The following HDAC9 variants were observed in gnomAD, a reference collection of about 807,000 sequenced individuals.
HDAC9 encodes histone deacetylase 9.
Under a neutral mutation model 139.4 loss-of-function variants are expected in HDAC9, and 41 were observed. The ratio of observed to expected loss-of-function variants is 0.29; its 90% CI spans 0.23 to 0.38. HDAC9 has a LOEUF of 0.38. HDAC9 is among the 10% of genes least tolerant of loss of function. The probability of loss-of-function intolerance (pLI) is 1.00; values close to 1 mark genes in which losing one functional copy is unlikely to be tolerated. For synonymous variants in HDAC9, 517 were observed against 476.2 expected, an observed-to-expected ratio of 1.09 and a Z score of -1.12; for missense variants, 1,147 against 1,297.0, an observed-to-expected ratio of 0.88 and a Z score of 1.78.
Position 18,874,587 on chromosome 7 carries a change from A to T in HDAC9, c.2794A>T (p.Thr932Ser). 6.3e-7 allele frequency: 1 copy of T among 1,575,470 alleles called. No homozygotes were observed. Among genetic ancestry groups the T allele is most frequent in the Non-Finnish European group, 8.7e-7 (1 of 1,155,540 alleles). ...CCCTCCTCTAGGAGGGTACAAAGTG[A>T]CGGCAAAATGTAAGTACCTCTTTCA... Reference protein sequence around the residue: ...HTPPLGGYKVTAKCFGHLTKQ... With the variant: ...HTPPLGGYKVSAKCFGHLTKQ... The change falls in exon 22 of 26, where the codon ACG becomes TCG. Residue 932 changes from threonine (T) to serine (S), a missense_variant. This residue lies in a region of HDAC9 where 407 missense variants were observed against 521.5 expected (regional missense o/e 0.78). Coordinates refer to ENST00000686413, the MANE Select transcript of HDAC9 (RefSeq NM_178425.4).
intron 1 of HDAC9, among the ~76,000 whole-genome samples, chr7:18,470,112 A>G (rs1407546252): frequency 6.6e-6 from 1 of 152,078 alleles, no homozygotes; most frequent in South Asian, 2.1e-4. Context: ...CCAAGGTAGG[A>G]GGACCCCTTG....
At chr7:18,971,301 A>AG (rs1378343262) in intron 24 of HDAC9, among the ~76,000 whole-genome samples, 1 of 152,234 alleles carries the variant, frequency 6.6e-6, no homozygotes, top group East Asian at 1.9e-4. Flanking sequence ...ATGACTGAAG[A>AG]GGGAGTGTGC....
rs893606914 is a variant in HDAC9, at chr7:18,584,233, C to T, written c.23-1048C>T. 2.6e-4 allele frequency among the ~76,000 whole-genome samples: 39 copies of T among 150,852 alleles called. 1 individual carries two copies. ...TCGGCTCACTGCAAGCTCCGCCTCCCAGGTTCACGCCATTCTCCTGCCTCA... is the reference window on the plus strand; with the variant it reads ...TCGGCTCACTGCAAGCTCCGCCTCCTAGGTTCACGCCATTCTCCTGCCTCA... On this transcript the variant is annotated intron_variant, in intron 2 of 25. Coordinates refer to ENST00000686413, the MANE Select transcript of HDAC9 (RefSeq NM_178425.4).
chr7:18,903,850 TTCTC>T (rs1168668512), intron 22 of HDAC9, among the ~76,000 whole-genome samples: 3 of 152,156 alleles, frequency 2.0e-5, no homozygotes, highest in African/African-American at 7.2e-5. Flanking sequence ...AAGCATGCTG[TTCTC>T]TCTCTCTATT....
In HDAC9 at chr7:18,337,379, A is replaced by G. The variant is rs373947485; in HGVS notation, c.-42+46864A>G. Among the ~76,000 whole-genome samples, 14 of 151,814 alleles carry G rather than the reference A, an allele frequency of 9.2e-5. No homozygotes were observed. The East Asian group carries it at 1.8e-3, about 19-fold the overall frequency. On this transcript the variant is annotated intron_variant, in intron 1 of 3. Coordinates refer to the HDAC9 transcript ENST00000413509. Reference sequence around the variant, plus strand: ...AGTAAGATGATTATTTTTCTAGCTAAATCAACTACATGGTTTCATGATATA... The same window carrying G: ...AGTAAGATGATTATTTTTCTAGCTAGATCAACTACATGGTTTCATGATATA...
intron 2 of HDAC9, among the ~76,000 whole-genome samples, chr7:18,261,595 C>G (rs1345291923): frequency 6.6e-6 from 1 of 152,138 alleles, no homozygotes; most frequent in Non-Finnish European, 1.5e-5. Flanking sequence ...GGTTTACTTT[C>G]TAGAAGTGAG....
chr7:18,169,480 T>C (rs1788253629), intron 2 of HDAC9, among the ~76,000 whole-genome samples: 1 of 152,168 alleles, frequency 6.6e-6, no homozygotes, highest in African/African-American at 2.4e-5. Flanking sequence ...TAAATTATAC[T>C]TTAAGTTGTA....
chr7:18,502,140 G>T (rs1798557196), intron 2 of HDAC9, among the ~76,000 whole-genome samples: 1 of 152,100 alleles, frequency 6.6e-6, no homozygotes, highest in African/African-American at 2.4e-5. Flanking sequence ...AGAGACAAAG[G>T]TTGGATCCTC....
At chr7:18,661,196 A>G (rs1011495221) in intron 11 of HDAC9, among the ~76,000 whole-genome samples, 1 of 152,142 alleles carries the variant, frequency 6.6e-6, no homozygotes. Flanking sequence ...CACAAATTAA[A>G]TGAAAAAGAT....
rs1001828261 is a variant in HDAC9 at position 18,666,846 on chromosome 7, G to T, written c.1731+370G>T. On this transcript the variant is annotated intron_variant, in intron 12 of 25. Transcript: ENST00000686413. ...CACTGTTATTTTGAGTTTATGTGTT[G>T]AGATCAGTGACTGCTGGATAGTCTC... The T allele has an allele frequency of 1.0e-5, 11 of 1,050,152 alleles. No homozygotes were observed. In the African/African-American group the frequency reaches 1.9e-4, roughly 18 times the overall value. The allele number at this position is 1,050,152 out of a possible 1,614,324, so 65.1% of individuals were successfully genotyped here. A position where few individuals can be genotyped will look rare whatever the true frequency, so the allele number is the denominator to read the frequency against.
At chr7:18,449,437 A>G (rs1792594340) in intron 1 of HDAC9, among the ~76,000 whole-genome samples, 1 of 152,162 alleles carries the variant, frequency 6.6e-6, no homozygotes, top group South Asian at 2.1e-4. Flanking sequence ...ATGGGGTGTT[A>G]AAAGTCTGGC....
At chr7:18,402,584 T>C (rs1787646162) in intron 1 of HDAC9, among the ~76,000 whole-genome samples, 3 of 152,174 alleles carry the variant, frequency 2.0e-5, no homozygotes, top group Admixed American at 1.3e-4. Context: ...AGCTGGACTT[T>C]TATCATGAAT....
intron 1 of HDAC9, among the ~76,000 whole-genome samples, chr7:18,316,742 A>G (rs1452702495): frequency 6.6e-6 from 1 of 151,730 alleles, no homozygotes; most frequent in African/African-American, 2.4e-5. Context: ...GCTTGAGCCC[A>G]GGAGTTGGAG....
At chr7:18,701,559 C>G (rs1195202040) in intron 12 of HDAC9, among the ~76,000 whole-genome samples, 1 of 152,126 alleles carries the variant, frequency 6.6e-6, no homozygotes, top group African/African-American at 2.4e-5. Flanking sequence ...TAGATATATA[C>G]TACACACCCA....
intron 6 of HDAC9, among the ~76,000 whole-genome samples, chr7:18,624,634 A>G (rs188007497): frequency 6.6e-6 from 1 of 152,034 alleles, no homozygotes; most frequent in South Asian, 2.1e-4. Flanking sequence ...TTTGCATCCC[A>G]TTAGTAAGTC....
rs140132619 is a variant in HDAC9, at chr7:18,861,391, A to G, written c.2685-13087A>G. On this transcript the variant is annotated intron_variant, in intron 21 of 25. Transcript: ENST00000686413. ...TAATTCTGTTGTCATTGTTTTATAT[A>G]TGGTAATTAGATAAGAATCAGTTTA... 1.1e-4 allele frequency among the ~76,000 whole-genome samples: 16 copies of G among 152,286 alleles called. No homozygotes were observed. The East Asian group carries it at 3.1e-3, about 29-fold the overall frequency.
chr7:18,932,379 T>C (rs1804823647), intron 22 of HDAC9, among the ~76,000 whole-genome samples: 1 of 152,178 alleles, frequency 6.6e-6, no homozygotes, highest in South Asian at 2.1e-4. Context: ...TTACATATTC[T>C]TAAACACTTT....
chr7:18,711,316 A>G (rs1784329738), intron 12 of HDAC9, among the ~76,000 whole-genome samples: 1 of 152,102 alleles, frequency 6.6e-6, no homozygotes, highest in African/African-American at 2.4e-5. Context: ...CCTCTCTCCA[A>G]CCCACTGCTG....
rs1786492497 is a variant in HDAC9, at chr7:18,996,817, T to C, written c.*755T>C. The C allele has an allele frequency of 6.6e-6, 1 of 152,206 alleles. No homozygotes were observed. Among genetic ancestry groups the C allele is most frequent in the African/African-American group, 2.4e-5 (1 of 41,448 alleles). 9.4% of individuals were successfully genotyped at this position (152,206 alleles called of 1,614,324 possible). A position where few individuals can be genotyped will look rare whatever the true frequency, so the allele number is the denominator to read the frequency against. On this transcript the variant is annotated 3_prime_UTR_variant, in exon 26 of 26. Transcript: ENST00000686413. ...GGCAATTTGCAATGTTGCAATTGTG[T>C]TGGAGAATGAAGTCCCCCCACCTCC...
Sources: allele counts gnomAD v4.1 joint callset (sites outside exome capture counted in the v4.1 genomes callset), GRCh38; gene constraint gnomAD v4.1.1; regional missense constraint gnomAD v4.1.1; transcripts MANE v1.5; gene names NCBI Gene and HGNC (gene_info 2026-07-23, HGNC 2026-07-21).